DYNC2I1: variants seen among roughly 807,000 people sequenced by gnomAD.
DYNC2I1 encodes the protein cytoplasmic dynein 2 intermediate chain 1.
A neutral mutation model predicts 133.4 loss-of-function variants in DYNC2I1; 89 were observed. The observed-to-expected ratio is 0.67, with a 90% CI of 0.56 to 0.80. The LOEUF (loss-of-function observed/expected upper bound fraction) is 0.80, where lower values mean the gene tolerates loss of function less well. Ranked by LOEUF, DYNC2I1 falls within the 30% of genes least tolerant of loss-of-function variation. DYNC2I1 has a pLI of 0.00. For synonymous variants in DYNC2I1, 504 were observed against 484.3 expected, an observed-to-expected ratio of 1.04 and a Z score of -0.54; for missense variants, 1,291 against 1,314.5, an observed-to-expected ratio of 0.98 and a Z score of 0.28.
At chr7:158,885,219 A>G (rs1844476823) in intron 6 of DYNC2I1, among the ~76,000 whole-genome samples, 1 of 152,124 alleles carries the variant, frequency 6.6e-6, no homozygotes, top group Non-Finnish European at 1.5e-5. Flanking sequence ...GGTGGGGGTC[A>G]GCCTTGGTTG....
chr7:158,880,023 C>G, intron 5 of DYNC2I1, 34 bp downstream of exon 5: 3 of 1,544,790 alleles, frequency 1.9e-6, no homozygotes, highest in Non-Finnish European at 2.6e-6. Context: ...CCTTAGCAGC[C>G]GCCCCGAGGC....
chr7:158,916,481 T>G (rs71547580), intron 14 of DYNC2I1, among the ~76,000 whole-genome samples: 5 of 57,020 alleles, frequency 8.8e-5, no homozygotes, highest in South Asian at 5.0e-4. Context: ...GTGAAACGTC[T>G]ACATGCTGGT....
At chr7:158,840,630 G>A in the DYNC2I1 span, among the ~76,000 whole-genome samples, 1 of 152,240 alleles carries the variant, frequency 6.6e-6, no homozygotes, top group Non-Finnish European at 1.5e-5. Flanking sequence ...CTAGTTTATA[G>A]TCTAGTTAGG....
At chr7:158,915,882 CTGGTTGAG>C (rs1848167235) in intron 14 of DYNC2I1, among the ~76,000 whole-genome samples, 1 of 113,948 alleles carries the variant, frequency 8.8e-6, no homozygotes, top group East Asian at 2.7e-4. Flanking sequence ...CGTCGACACG[CTGGTTGAG>C]ATTAAGGATG....
chr7:158,937,770 G>C (rs537236212), intron 23 of DYNC2I1, among the ~76,000 whole-genome samples: 172 of 152,192 alleles, frequency 1.1e-3, no homozygotes, highest in African/African-American at 4.0e-3. Flanking sequence ...AATTTGCCAA[G>C]AATGGTGGCA....
At chr7:158,874,051 G>A (rs903873679) in intron 3 of DYNC2I1, among the ~76,000 whole-genome samples, 1 of 151,666 alleles carries the variant, frequency 6.6e-6, no homozygotes, top group Non-Finnish European at 1.5e-5. Context: ...CAGCCACAGC[G>A]CCCGGCCAGC....
intron 4 of DYNC2I1, among the ~76,000 whole-genome samples, chr7:158,876,987 G>T (rs1286885158): frequency 1.3e-5 from 2 of 152,210 alleles, no homozygotes; most frequent in African/African-American, 2.4e-5. Flanking sequence ...ATTTAGGTAT[G>T]TATTTTTCCA....
chr7:158,930,066 C>T (rs958099164), intron 20 of DYNC2I1, among the ~76,000 whole-genome samples: 1 of 152,180 alleles, frequency 6.6e-6, no homozygotes, highest in Admixed American at 6.5e-5. Flanking sequence ...TGCAAGTTTC[C>T]TGTAGGCGTT....
At chr7:158,956,075 T>G (rs1348549782) in intron 4 of DYNC2I1, among the ~76,000 whole-genome samples, 1 of 152,260 alleles carries the variant, frequency 6.6e-6, no homozygotes, top group Non-Finnish European at 1.5e-5. Flanking sequence ...GGCAATGGCT[T>G]AAATGATTTT....
At chr7:158,849,048 G>A in the DYNC2I1 span, among the ~76,000 whole-genome samples, 2 of 152,200 alleles carry the variant, frequency 1.3e-5, no homozygotes, top group Admixed American at 6.5e-5. Context: ...AAAGGCAAAG[G>A]TTATAATGAG....
At chr7:158,839,831 A>AG in the DYNC2I1 span, among the ~76,000 whole-genome samples, 2 of 149,560 alleles carry the variant, frequency 1.3e-5, no homozygotes, top group South Asian at 4.3e-4. Context: ...AAAAAAAAAA[A>AG]GAGATGAGGT....
chr7:158,870,749 T>C (rs566163558), intron 2 of DYNC2I1, among the ~76,000 whole-genome samples: 67 of 152,260 alleles, frequency 4.4e-4, no homozygotes, highest in Non-Finnish European at 8.2e-4. Flanking sequence ...ATGCATATCT[T>C]GTGGAGTGGT....
chr7:158,888,019 CTTTTTT>C (rs545903783), intron 7 of DYNC2I1, among the ~76,000 whole-genome samples: 3 of 96,598 alleles, frequency 3.1e-5, no homozygotes, highest in African/African-American at 4.4e-5. Context: ...AACCATTGTC[CTTTTTT>C]TTTTTTTTTT....
intron 4 of DYNC2I1, among the ~76,000 whole-genome samples, chr7:158,952,918 C>T (rs918826070): frequency 6.6e-6 from 1 of 152,246 alleles, no homozygotes; most frequent in Non-Finnish European, 1.5e-5. Context: ...AGCCTCAGCG[C>T]CTGCTGTGCA....
At position 158,871,236 on chromosome 7, in the gene DYNC2I1, C is replaced by G; in HGVS notation, c.164C>G (p.Pro55Arg). Residue 55 changes from proline (P) to arginine (R), a missense_variant, in exon 3 of 25, where the codon CCG becomes CGG. Pro to Arg is a moderately radical substitution (Grantham distance 103, BLOSUM62 -2). Transcript: ENST00000407559. The part of the protein sequence containing the change: ...SEMDLPEHKE[P>R]RCRDPDQDAR... Reference sequence around the variant, plus strand: ...ATGGACCTTCCTGAACATAAGGAGCCGAGGTGCAGGGATCCCGACCAGGAT... The same window carrying G: ...ATGGACCTTCCTGAACATAAGGAGCGGAGGTGCAGGGATCCCGACCAGGAT... 6.2e-7 allele frequency: 1 copy of G among 1,612,568 alleles called. No individual in the cohort carries two copies. Among genetic ancestry groups the G allele is most frequent in the Non-Finnish European group, 8.5e-7 (1 of 1,179,248 alleles).
At chr7:158,840,571 A>T in the DYNC2I1 span, among the ~76,000 whole-genome samples, 1 of 152,226 alleles carries the variant, frequency 6.6e-6, no homozygotes. Flanking sequence ...CGTCTAAAAA[A>T]ATGGTTTTGA....
At chr7:158,938,932 C>G (rs1285472241) in intron 23 of DYNC2I1, among the ~76,000 whole-genome samples, 1 of 152,156 alleles carries the variant, frequency 6.6e-6, no homozygotes, top group Non-Finnish European at 1.5e-5. Flanking sequence ...CATAACTCTA[C>G]TATGAAGCCA....
Position 158,942,069 on chromosome 7 carries a change from G to A in DYNC2I1, c.2923G>A (p.Asp975Asn), listed in dbSNP as rs781490673. 3.1e-6 allele frequency: 5 copies of A among 1,611,410 alleles called. No individual in the cohort carries two copies. Among genetic ancestry groups the A allele is most frequent in the Non-Finnish European group, 3.4e-6 (4 of 1,178,592 alleles). Residue 975 changes from aspartate (D) to asparagine (N), a missense_variant, in exon 24 of 25, where the codon GAC (aspartate) becomes AAC (asparagine). By Grantham distance (23) the Asp-to-Asn change is conservative. Transcript: ENST00000407559. ...TRPAVFLVQD[D>N]TSNIYIWDLL... Reference sequence around the variant, plus strand: ...GCCTGCCGTGTTCCTGGTGCAGGACGACACATCCAACATCTACATCTGGGA... The same window carrying A: ...GCCTGCCGTGTTCCTGGTGCAGGACAACACATCCAACATCTACATCTGGGA...
rs752392647 is a variant in DYNC2I1, at chr7:158,926,284, C to T, written c.2355C>T (p.Pro785=). ...AAAAGCAGAGCTTTGTGCTTTCACC[C>T]TTTTCTACTCAAGAAGGTACGTGAT... ...VHKKQSFVLS[P]FSTQEEMSGL... The change falls in exon 18 of 25, where the codon CCC becomes CCT. Residue 785 remains proline (P), a synonymous_variant. Transcript: ENST00000407559. 19 of 1,611,974 alleles carry T rather than the reference C, an allele frequency of 1.2e-5. No homozygotes were observed. The highest frequency in any genetic ancestry group is 1.6e-5 in the Non-Finnish European group (19 of 1,179,090).
Sources: allele counts gnomAD v4.1 joint callset (sites outside exome capture counted in the v4.1 genomes callset), GRCh38; gene constraint gnomAD v4.1.1; transcripts MANE v1.5; gene names NCBI Gene and HGNC (gene_info 2026-07-23, HGNC 2026-07-21).